The following KRT86 variants were observed in gnomAD, a reference collection of about 807,000 sequenced individuals.
KRT86 encodes keratin 86.
KRT86 carries 30 observed loss-of-function variants against 41.2 expected under a neutral mutation model. The ratio of observed to expected loss-of-function variants is 0.73; its 90% CI spans 0.54 to 0.99. The LOEUF is 0.99. Among genes scored for constraint, KRT86 ranks in the 50% least tolerant of loss-of-function variants. The pLI is 0.00. For synonymous variants in KRT86, 238 were observed against 238.1 expected (o/e 1.00, Z 0.00); for missense variants, 561 against 571.4 (o/e 0.98, Z 0.19).
Position 52,299,177 on chromosome 12 carries a change from G to T in KRT86, c.-4-2736G>T, listed in dbSNP as rs76151209. Among the ~76,000 whole-genome samples the T allele has an allele frequency of 4.5e-3, 680 of 152,122 alleles. 4 individuals are homozygous for T. Among genetic ancestry groups the T allele is most frequent in the African/African-American group, 0.015 (623 of 41,504 alleles). On this transcript the variant is annotated intron_variant, in intron 2 of 10. Transcript: ENST00000423955. The stretch of plus-strand genomic sequence containing the variant: ...GATGAGATCAATTTTTTTAGCTCTC[G>T]CATATGTGTAAGAACATCTGAAATT...
intron 2 of KRT86, among the ~76,000 whole-genome samples, chr12:52,294,191 A>G (rs1042480483): frequency 2.6e-5 from 4 of 152,226 alleles, no homozygotes; most frequent in Non-Finnish European, 5.9e-5. Flanking sequence ...TGATGTCCCC[A>G]GTAAACCAGC....
chr12:52,288,349 C>G, intron 2 of KRT86: 1 of 1,613,956 alleles, frequency 6.2e-7, no homozygotes, highest in South Asian at 1.1e-5. Context: ...TGTCTGGCCC[C>G]TGAGCCCGCA....
intron 2 of KRT86, among the ~76,000 whole-genome samples, chr12:52,283,588 C>T (rs1410533516): frequency 1.3e-5 from 2 of 149,686 alleles, no homozygotes; most frequent in African/African-American, 4.9e-5. Flanking sequence ...AAGCAATTCT[C>T]CTGTCTCAGC....
chr12:52,297,228 A>G (rs1938271373), intron 2 of KRT86, among the ~76,000 whole-genome samples: 1 of 152,218 alleles, frequency 6.6e-6, no homozygotes, highest in African/African-American at 2.4e-5. Flanking sequence ...TGTCCCAGAA[A>G]GGACACTGTC....
At chr12:52,282,567 A>G (rs1937801235) in intron 2 of KRT86, among the ~76,000 whole-genome samples, 1 of 152,204 alleles carries the variant, frequency 6.6e-6, no homozygotes, top group East Asian at 1.9e-4. Flanking sequence ...AAAGCTCTCC[A>G]AAGTCCAAGG....
At chr12:52,287,871 C>T in intron 2 of KRT86, 1 of 1,603,130 alleles carries the variant, frequency 6.2e-7, no homozygotes, top group African/African-American at 1.3e-5. Context: ...GATTGGCAGC[C>T]CTCTCTTCTC....
intron 7 of KRT86, 54 bp downstream of exon 7, chr12:52,305,458 A>G: frequency 1.9e-6 from 3 of 1,613,598 alleles, no homozygotes; most frequent in Non-Finnish European, 2.5e-6. Flanking sequence ...GGGATTTGAG[A>G]TTATCTATTA....
intron 2 of KRT86, among the ~76,000 whole-genome samples, chr12:52,282,721 C>G (rs571627498): frequency 6.6e-5 from 10 of 152,340 alleles, no homozygotes; most frequent in Non-Finnish European, 1.5e-4. Flanking sequence ...CTGCCCATCA[C>G]TACGCCCACT....
intron 2 of KRT86, chr12:52,286,076 G>A (rs897508957): frequency 1.5e-6 from 1 of 645,592 alleles, no homozygotes; most frequent in Admixed American, 2.6e-5. Context: ...CTTTCCCACT[G>A]TGGGGTGGCA....
chr12:52,288,720 AG>A (rs1311041478), intron 2 of KRT86, among the ~76,000 whole-genome samples: 2 of 151,608 alleles, frequency 1.3e-5, no homozygotes, highest in Non-Finnish European at 2.9e-5. Context: ...CTCCTGCTCC[AG>A]GAAGCCTGCC....
At chr12:52,291,231 T>C (rs1938107361) in intron 2 of KRT86, 4 of 1,487,268 alleles carry the variant, frequency 2.7e-6, no homozygotes, top group South Asian at 1.3e-5. Context: ...GACACGGTGG[T>C]GATGCATGGG....
At chr12:52,307,958 G>A (rs1429876518) in intron 9 of KRT86, among the ~76,000 whole-genome samples, 1 of 152,226 alleles carries the variant, frequency 6.6e-6, no homozygotes, top group Non-Finnish European at 1.5e-5. Flanking sequence ...AGAGATCTAC[G>A]AAGTAGGTTT....
intron 2 of KRT86, chr12:52,286,365 G>A (rs1464883859): frequency 6.4e-7 from 1 of 1,555,276 alleles, no homozygotes. Flanking sequence ...TGGCCGCAGG[G>A]CGCACACAGG....
chr12:52,288,330 C>T (rs1372035462), intron 2 of KRT86: 3 of 1,613,274 alleles, frequency 1.9e-6, no homozygotes, highest in African/African-American at 1.3e-5. Context: ...CTGCTGGCTG[C>T]CAGGTTTCTG....
rs369596971 is a variant in KRT86, at chr12:52,305,436, A to G, written c.900+32A>G. 5.0e-5 allele frequency: 81 copies of G among 1,614,020 alleles called. No homozygotes were observed. In the African/African-American group the frequency reaches 7.1e-4, roughly 14 times the overall value. Reference sequence around the variant, plus strand: ...GGCACAGGACACCTGCCTGCTAGACATGGCAGTGGGAGGGATTTGAGATTA... The same window carrying G: ...GGCACAGGACACCTGCCTGCTAGACGTGGCAGTGGGAGGGATTTGAGATTA... On this transcript the variant is annotated intron_variant, in intron 7 of 10. Coordinates refer to ENST00000423955, the MANE Select transcript of KRT86 (RefSeq NM_001320198.2).
intron 2 of KRT86, chr12:52,286,494 C>A (rs773652481): frequency 6.4e-7 from 1 of 1,552,170 alleles, no homozygotes; most frequent in South Asian, 1.2e-5. Context: ...CTGCTGACAC[C>A]TGTGAACCCC....
intron 7 of KRT86, 74 bp downstream of exon 7, chr12:52,305,478 C>T (rs1592439363): frequency 5.6e-6 from 9 of 1,612,392 alleles, no homozygotes; most frequent in Middle Eastern, 1.7e-4. Context: ...AAATAGGCTT[C>T]CTTTTCTGGG....
intron 2 of KRT86, among the ~76,000 whole-genome samples, chr12:52,293,430 A>G (rs974568526): frequency 6.6e-6 from 1 of 152,150 alleles, no homozygotes; most frequent in Non-Finnish European, 1.5e-5. Context: ...TGACTTCCTA[A>G]TCTTTGGATA....
chr12:52,284,644 AT>A (rs1937868510), intron 2 of KRT86, among the ~76,000 whole-genome samples: 1 of 152,154 alleles, frequency 6.6e-6, no homozygotes, highest in Non-Finnish European at 1.5e-5. Flanking sequence ...TTACAGGAGA[AT>A]TTGTTCTTTT....
Sources: allele counts gnomAD v4.1 joint callset (sites outside exome capture counted in the v4.1 genomes callset), GRCh38; gene constraint gnomAD v4.1.1; transcripts MANE v1.5; gene names NCBI Gene and HGNC (gene_info 2026-07-23, HGNC 2026-07-21).